Variants in ASAP1 observed in about 807,000 individuals in gnomAD.
ASAP1 encodes arf-GAP with SH3 domain, ANK repeat and PH domain-containing protein 1.
In ASAP1, 43 loss-of-function variants were observed where a neutral mutation model predicts 145.2. The ratio of observed to expected loss-of-function variants is 0.30; its 90% CI spans 0.23 to 0.38. ASAP1 has a LOEUF of 0.38. Among genes scored for constraint, ASAP1 ranks in the 10% least tolerant of loss-of-function variants. ASAP1 has a pLI of 1.00. For synonymous variants in ASAP1, 546 were observed against 515.5 expected, an observed-to-expected ratio of 1.06 and a Z score of -0.80; for missense variants, 1,018 against 1,355.3, an observed-to-expected ratio of 0.75 and a Z score of 3.91.
At chr8:130,324,723 G>A (rs967841953) in intron 3 of ASAP1, among the ~76,000 whole-genome samples, 1 of 152,150 alleles carries the variant, frequency 6.6e-6, no homozygotes, top group Admixed American at 6.5e-5. Flanking sequence ...AAATTTCAGT[G>A]GTACTTACAA....
At chr8:130,179,413 C>A in intron 8 of ASAP1, 64 bp from the exon 9 acceptor site, 4 of 1,023,852 alleles carry the variant, frequency 3.9e-6, no homozygotes, top group African/African-American at 1.6e-5. Context: ...GCCATGGGTT[C>A]AGGTGGCTGA....
intron 3 of ASAP1, among the ~76,000 whole-genome samples, chr8:130,283,988 G>A (rs569607408): frequency 2.0e-5 from 3 of 152,164 alleles, no homozygotes; most frequent in Non-Finnish European, 4.4e-5. Flanking sequence ...TGCACTGACT[G>A]TATCCACAAA....
chr8:130,189,557 G>C (rs933046068), intron 5 of ASAP1, among the ~76,000 whole-genome samples: 1 of 152,094 alleles, frequency 6.6e-6, no homozygotes, highest in African/African-American at 2.4e-5. Context: ...CTCAACTGTT[G>C]ATGGACACTT....
At chr8:130,094,848 T>C (rs16904203) in intron 24 of ASAP1, among the ~76,000 whole-genome samples, 16,022 of 152,276 alleles carry the variant, frequency 0.11, 1,087 homozygotes, top group Non-Finnish European at 0.15. Context: ...TAGACAATGG[T>C]GAGGTTCTCT....
chr8:130,336,699 G>A (rs1403824613), intron 3 of ASAP1, among the ~76,000 whole-genome samples: 1 of 152,138 alleles, frequency 6.6e-6, no homozygotes, highest in African/African-American at 2.4e-5. Context: ...CAACCAGGGG[G>A]AAAAATACTT....
chr8:130,281,671 G>A (rs1821255166), intron 3 of ASAP1, among the ~76,000 whole-genome samples: 1 of 152,210 alleles, frequency 6.6e-6, no homozygotes, highest in South Asian at 2.1e-4. Context: ...GGGGAACCCA[G>A]GAATCAACAT....
intron 4 of ASAP1, among the ~76,000 whole-genome samples, chr8:130,236,011 T>G (rs1818192540): frequency 6.6e-6 from 1 of 151,908 alleles, no homozygotes; most frequent in African/African-American, 2.4e-5. Flanking sequence ...AGAAGAAAAA[T>G]GGAGGCTCAA....
chr8:130,235,001 C>T (rs996466123), intron 4 of ASAP1, among the ~76,000 whole-genome samples: 18 of 152,060 alleles, frequency 1.2e-4, no homozygotes, highest in Admixed American at 4.6e-4. Flanking sequence ...GTATTAGGGG[C>T]CTTAGATGGT....
chr8:130,222,056 G>C (rs766946219), intron 4 of ASAP1, among the ~76,000 whole-genome samples: 9 of 152,164 alleles, frequency 5.9e-5, no homozygotes, highest in Non-Finnish European at 1.3e-4. Flanking sequence ...CTTTTACCCC[G>C]TGGACAGGAA....
chr8:130,152,137 C>T lies in ASAP1; in HGVS notation c.1080+599G>A, dbSNP rs141063755. ...CTGCTGGCAATTCATTGAGCAGTGC[C>T]CCAAGGACATCACTTGGCACAGGAT... On this transcript the variant is annotated intron_variant, in intron 13 of 29. Coordinates refer to ENST00000518721, the MANE Select transcript of ASAP1 (RefSeq NM_018482.4). Among the ~76,000 whole-genome samples the T allele has an allele frequency of 2.2e-3, 335 of 152,248 alleles. 2 individuals are homozygous for T. Among genetic ancestry groups the T allele is most frequent in the African/African-American group, 7.5e-3 (312 of 41,536 alleles).
chr8:130,255,595 G>A (rs1819463104), intron 3 of ASAP1, among the ~76,000 whole-genome samples: 1 of 152,060 alleles, frequency 6.6e-6, no homozygotes, highest in Admixed American at 6.6e-5. Context: ...TAATGGTACT[G>A]ATTATAAAAG....
intron 24 of ASAP1, among the ~76,000 whole-genome samples, chr8:130,107,218 T>C (rs1028817595): frequency 2.3e-5 from 3 of 128,510 alleles, no homozygotes; most frequent in African/African-American, 8.8e-5. Context: ...AGTCTCACCC[T>C]GTGGCCCAGG....
chr8:130,072,825 G>GTGTGTGTGCGCGCA, intron 27 of ASAP1, among the ~76,000 whole-genome samples: 1 of 54,098 alleles, frequency 1.8e-5, no homozygotes, highest in Admixed American at 1.7e-4. Flanking sequence ...GTGTGTGTGT[G>GTGTGTGTGCGCGCA]CGCGCGGGGG....
At chr8:130,146,644 G>T (rs1349030117) in intron 13 of ASAP1, among the ~76,000 whole-genome samples, 1 of 152,198 alleles carries the variant, frequency 6.6e-6, no homozygotes, top group Non-Finnish European at 1.5e-5. Context: ...CCATTTTGCA[G>T]GTCTCTTCCT....
chr8:130,190,930 G>A (rs1815092384), intron 5 of ASAP1, among the ~76,000 whole-genome samples: 1 of 152,052 alleles, frequency 6.6e-6, no homozygotes, highest in Non-Finnish European at 1.5e-5. Context: ...TCCCTCACTA[G>A]TACATAACCT....
At chr8:130,258,326 C>T (rs1232613928) in intron 3 of ASAP1, among the ~76,000 whole-genome samples, 27 of 152,198 alleles carry the variant, frequency 1.8e-4, no homozygotes, top group Admixed American at 1.6e-3. Context: ...CTGTTTACAC[C>T]CATTGCCCTG....
In ASAP1 at chr8:130,054,797, G is replaced by A; in HGVS notation, c.3324C>T (p.His1108=). The A allele has an allele frequency of 6.2e-7, 1 of 1,613,474 alleles. No individual in the cohort carries two copies. Among genetic ancestry groups the A allele is most frequent in the East Asian group, 2.2e-5 (1 of 44,878 alleles). Residue 1108 remains histidine, a synonymous_variant, in exon 30 of 30, where the codon CAC becomes CAT. Coordinates refer to ENST00000518721, the MANE Select transcript of ASAP1 (RefSeq NM_018482.4). ...GEEDQEWWIG[H]IEGQPERKGV... ...CCTTCCTTTCAGGCTGTCCTTCGAT[G>A]TGGCCAATCTGCAGGGAGAAAAGAG...
chr8:130,072,825 G>GTGTGTGCGTGTGCGCGCGCGCGTGCA, intron 27 of ASAP1, among the ~76,000 whole-genome samples: 1 of 54,098 alleles, frequency 1.8e-5, no homozygotes, highest in African/African-American at 9.1e-5. Context: ...GTGTGTGTGT[G>GTGTGTGCGTGTGCGCGCGCGCGTGCA]CGCGCGGGGG....
chr8:130,229,833 G>T (rs1487891489), intron 4 of ASAP1, among the ~76,000 whole-genome samples: 1 of 152,098 alleles, frequency 6.6e-6, no homozygotes, highest in Non-Finnish European at 1.5e-5. Context: ...TTGGGCCCAG[G>T]AGTTCAAGAC....
Sources: gnomAD v4.1 joint callset for allele counts (sites outside exome capture counted in the v4.1 genomes callset) on GRCh38, gnomAD v4.1.1 for gene constraint, MANE v1.5 for transcripts, NCBI Gene and HGNC (gene_info 2026-07-23, HGNC 2026-07-21) for gene names.